Variants in EXOC6B observed in about 807,000 individuals in gnomAD.
EXOC6B encodes the protein exocyst complex component 6B.
A neutral mutation model predicts 113.5 loss-of-function variants in EXOC6B; 54 were observed. The ratio of observed to expected loss-of-function variants is 0.48; its 90% CI spans 0.38 to 0.60. The LOEUF is 0.60. EXOC6B is among the 20% of genes least tolerant of loss of function. EXOC6B has a pLI of 0.00. For missense variants in EXOC6B, 797 were observed against 977.5 expected, an observed-to-expected ratio of 0.82 and a Z score of 2.46; for synonymous variants, 357 against 339.0, an observed-to-expected ratio of 1.05 and a Z score of -0.58.
chr2:72,641,634 G>C (rs1353731964), intron 6 of EXOC6B, among the ~76,000 whole-genome samples: 1 of 152,266 alleles, frequency 6.6e-6, no homozygotes, highest in Admixed American at 6.5e-5. Flanking sequence ...TCTGGGAGCA[G>C]GGCATAGCTG....
At chr2:72,305,237 G>C (rs1686764044) in intron 20 of EXOC6B, among the ~76,000 whole-genome samples, 1 of 152,084 alleles carries the variant, frequency 6.6e-6, no homozygotes, top group Admixed American at 6.6e-5. Context: ...TTAAATGCCA[G>C]GTTAGCCTTG....
At chr2:72,810,444 G>A (rs1048351103) in intron 1 of EXOC6B, among the ~76,000 whole-genome samples, 15 of 151,616 alleles carry the variant, frequency 9.9e-5, no homozygotes, top group African/African-American at 3.6e-4. Flanking sequence ...TGGGATACAG[G>A]TAAAGCAATG....
chr2:72,639,455 C>T (rs1251195615), intron 6 of EXOC6B, among the ~76,000 whole-genome samples: 5 of 152,226 alleles, frequency 3.3e-5, no homozygotes, highest in Non-Finnish European at 5.9e-5. Flanking sequence ...ATTGCCTCTG[C>T]CACTGTGGTG....
chr2:72,270,017 C>T (rs995679344), intron 20 of EXOC6B, among the ~76,000 whole-genome samples: 1 of 152,030 alleles, frequency 6.6e-6, no homozygotes, highest in Non-Finnish European at 1.5e-5. Flanking sequence ...AGGTGGTAAA[C>T]AGGGACAGAA....
At chr2:72,262,067 C>T (rs1683759106) in intron 20 of EXOC6B, among the ~76,000 whole-genome samples, 2 of 152,120 alleles carry the variant, frequency 1.3e-5, no homozygotes, top group South Asian at 4.1e-4. Flanking sequence ...TTCCCTATAT[C>T]TCACTGAAAA....
At chr2:72,279,568 T>C (rs1440943349) in intron 20 of EXOC6B, among the ~76,000 whole-genome samples, 2 of 152,014 alleles carry the variant, frequency 1.3e-5, no homozygotes, top group African/African-American at 2.4e-5. Flanking sequence ...CTTTCTCTTA[T>C]GGATCAACAT....
At chr2:72,397,401 A>G (rs1366274727) in intron 18 of EXOC6B, among the ~76,000 whole-genome samples, 2 of 151,958 alleles carry the variant, frequency 1.3e-5, no homozygotes, top group Non-Finnish European at 2.9e-5. Flanking sequence ...CAGATGGATC[A>G]TGAGGTCAGG....
In EXOC6B at chr2:72,355,168, C is replaced by A. The variant is rs185138206; in HGVS notation, c.2123-20148G>T. ...AGTGTGCCAGCTCCTACAGAGAAAA[C>A]AAGGAACACAGAGAATGAATGAGCT... is the stretch of plus-strand genomic sequence containing the variant. On this transcript the variant is annotated intron_variant, in intron 19 of 21. Coordinates refer to ENST00000272427, the MANE Select transcript of EXOC6B (RefSeq NM_015189.3). 5.6e-3 allele frequency among the ~76,000 whole-genome samples: 847 copies of A among 152,148 alleles called. 3 individuals carry two copies. Among genetic ancestry groups the A allele is most frequent in the Non-Finnish European group, 9.5e-3 (649 of 67,994 alleles).
intron 6 of EXOC6B, among the ~76,000 whole-genome samples, chr2:72,660,792 G>A (rs1674954261): frequency 6.6e-6 from 1 of 150,848 alleles, no homozygotes; most frequent in African/African-American, 2.4e-5. Context: ...AGAAGTTGAA[G>A]TATTACACAA....
chr2:72,176,799 C>T lies in EXOC6B; in HGVS notation c.*2536G>A, dbSNP rs1405788342. 1 of 152,200 alleles carries T rather than the reference C, an allele frequency of 6.6e-6. No homozygotes were observed. The highest frequency in any genetic ancestry group is 1.5e-5 in the Non-Finnish European group (1 of 68,052). 9.4% of individuals were successfully genotyped at this position (152,200 alleles called of 1,614,324 possible). A position where few individuals can be genotyped will look rare whatever the true frequency, so the allele number is the denominator to read the frequency against. On this transcript the variant is annotated 3_prime_UTR_variant, in exon 22 of 22. Transcript: ENST00000272427. ...TCATCCTGACCAGAAGCCATACAGG[C>T]TTCTAGCCATCTGTGTGCTTGCCCT... is the stretch of plus-strand genomic sequence containing the variant.
At chr2:72,813,216 AGTT>A (rs1319458942) in intron 1 of EXOC6B, among the ~76,000 whole-genome samples, 1 of 152,020 alleles carries the variant, frequency 6.6e-6, no homozygotes, top group African/African-American at 2.4e-5. Context: ...CAGCCTCCCT[AGTT>A]AGTTGGGACT....
At chr2:72,246,143 T>C (rs1464478779) in intron 20 of EXOC6B, among the ~76,000 whole-genome samples, 1 of 152,058 alleles carries the variant, frequency 6.6e-6, no homozygotes, top group Non-Finnish European at 1.5e-5. Context: ...CCCACCCCAG[T>C]CTCCCAAAGT....
chr2:72,740,161 T>G (rs879935324), intron 2 of EXOC6B, among the ~76,000 whole-genome samples: 3 of 152,166 alleles, frequency 2.0e-5, no homozygotes, highest in Non-Finnish European at 4.4e-5. Context: ...TACAATATAA[T>G]GTCTGACAGC....
At chr2:72,564,790 A>G (rs1259139023) in intron 7 of EXOC6B, among the ~76,000 whole-genome samples, 3 of 152,192 alleles carry the variant, frequency 2.0e-5, no homozygotes, top group Non-Finnish European at 2.9e-5. Context: ...CAAAAGCATA[A>G]AGAATTTTCT....
chr2:72,757,998 C>A (rs534066716), intron 1 of EXOC6B, among the ~76,000 whole-genome samples: 1 of 151,696 alleles, frequency 6.6e-6, no homozygotes, highest in Non-Finnish European at 1.5e-5. Flanking sequence ...CCAATCTCTA[C>A]AAAAGGTTAT....
intron 6 of EXOC6B, among the ~76,000 whole-genome samples, chr2:72,601,456 A>T (rs947386021): frequency 1.3e-5 from 2 of 152,104 alleles, no homozygotes; most frequent in Non-Finnish European, 2.9e-5. Flanking sequence ...AAGTGCTGGG[A>T]TTATATGTGT....
At chr2:72,214,435 G>A (rs1030119010) in intron 20 of EXOC6B, among the ~76,000 whole-genome samples, 1 of 150,610 alleles carries the variant, frequency 6.6e-6, no homozygotes, top group South Asian at 2.1e-4. Context: ...AGCTTGCAGT[G>A]AGCCAAGATT....
chr2:72,288,080 G>A (rs1367153181), intron 20 of EXOC6B, among the ~76,000 whole-genome samples: 1 of 152,084 alleles, frequency 6.6e-6, no homozygotes, highest in Non-Finnish European at 1.5e-5. Flanking sequence ...CATATGAAAG[G>A]TTGCTCAACA....
intron 6 of EXOC6B, among the ~76,000 whole-genome samples, chr2:72,612,965 T>C (rs1242829748): frequency 1.3e-5 from 2 of 152,170 alleles, no homozygotes; most frequent in African/African-American, 2.4e-5. Flanking sequence ...TCAGTAGCAT[T>C]TGGGGTTTTT....
Sources: gnomAD v4.1 joint callset for allele counts (sites outside exome capture counted in the v4.1 genomes callset) on GRCh38, gnomAD v4.1.1 for gene constraint, MANE v1.5 for transcripts, NCBI Gene and HGNC (gene_info 2026-07-23, HGNC 2026-07-21) for gene names.